TNPO1: variants seen among roughly 807,000 people sequenced by gnomAD.
TNPO1 encodes the protein transportin-1.
A neutral mutation model predicts 119.5 loss-of-function variants in TNPO1; 8 were observed. The ratio of observed to expected loss-of-function variants is 0.07; its 90% confidence interval spans 0.04 to 0.12. The LOEUF (loss-of-function observed/expected upper bound fraction) is 0.12. Among genes scored for constraint, TNPO1 ranks in the 10% least tolerant of loss-of-function variants. The probability of loss-of-function intolerance (pLI) is 1.00; values close to 1 mark genes in which losing one functional copy is unlikely to be tolerated. For synonymous variants in TNPO1, 362 were observed against 363.0 expected (o/e 1.00, Z 0.03); for missense variants, 576 against 1,089.8 (o/e 0.53, Z 6.64).
chr5:72,853,659 AT>A (rs33987415), intron 3 of TNPO1, among the ~76,000 whole-genome samples: 23 of 148,658 alleles, frequency 1.5e-4, no homozygotes, highest in South Asian at 4.2e-4. Context: ...GTGTTTATGC[AT>A]TTTTTTTTTT....
At chr5:72,854,123 G>T (rs914815026) in intron 3 of TNPO1, among the ~76,000 whole-genome samples, 1 of 152,166 alleles carries the variant, frequency 6.6e-6, no homozygotes, top group Non-Finnish European at 1.5e-5. Flanking sequence ...TTATTAACAG[G>T]TAATTTAAGG....
At chr5:72,816,984 G>A (rs1476639353) in intron 1 of TNPO1, 2 of 496,096 alleles carry the variant, frequency 4.0e-6, no homozygotes, top group Non-Finnish European at 7.1e-6. Flanking sequence ...GGCTCCTCAA[G>A]CGTCCGAGGA....
At chr5:72,889,026 G>GA (rs1748860797) in intron 13 of TNPO1, among the ~76,000 whole-genome samples, 1 of 151,840 alleles carries the variant, frequency 6.6e-6, no homozygotes, top group African/African-American at 2.4e-5. Context: ...TTGATAGTAG[G>GA]AAAAAATAAC....
At chr5:72,873,626 T>C (rs1033438364) in intron 7 of TNPO1, among the ~76,000 whole-genome samples, 2 of 152,178 alleles carry the variant, frequency 1.3e-5, no homozygotes, top group Non-Finnish European at 2.9e-5. Flanking sequence ...TTAAATTTTA[T>C]GCCTGCAAGG....
chr5:72,882,541 T>C lies in TNPO1; in HGVS notation c.981+14T>C, dbSNP rs756353032. 1 of 1,591,002 alleles carries C rather than the reference T, an allele frequency of 6.3e-7. No individual in the cohort carries two copies. The highest frequency in any genetic ancestry group is 8.6e-7 in the Non-Finnish European group (1 of 1,165,494). On this transcript the variant is annotated intron_variant, in intron 10 of 24. Coordinates refer to ENST00000337273, the MANE Select transcript of TNPO1 (RefSeq NM_002270.4). ...ATCCTACTTAAGGTAAGGAAGCTTT[T>C]TTGATGAATAGGGAACAAGATTTTT...
At chr5:72,888,032 ATGT>A in intron 12 of TNPO1, 43 bp from the exon 13 acceptor site, 1 of 1,564,444 alleles carries the variant, frequency 6.4e-7, no homozygotes, top group South Asian at 1.1e-5. Flanking sequence ...AACCAAAATA[ATGT>A]TAACTAAATT....
chr5:72,880,816 CAAA>C (rs35726893), intron 9 of TNPO1, among the ~76,000 whole-genome samples: 1 of 101,202 alleles, frequency 9.9e-6, no homozygotes, highest in Non-Finnish European at 1.9e-5. Flanking sequence ...GACTCCATCT[CAAA>C]AAAAAAAAAA....
intron 8 of TNPO1, 68 bp from the exon 9 acceptor site, chr5:72,877,160 A>G (rs1273295982): frequency 1.5e-5 from 12 of 800,440 alleles, no homozygotes; most frequent in Non-Finnish European, 1.4e-5. Flanking sequence ...TTGCTTGATA[A>G]TAGGACTGAA....
intron 12 of TNPO1, 57 bp from the exon 13 acceptor site, chr5:72,888,017 TAATC>T (rs1325857065): frequency 1.3e-6 from 2 of 1,511,052 alleles, no homozygotes; most frequent in East Asian, 2.3e-5. Context: ...TTTATTTTCA[TAATC>T]AACCAAAATA....
rs759207310 is a variant in TNPO1, at chr5:72,882,451, ATTTC to A, written c.921-8_921-5del. 57 of 1,596,714 alleles carry A rather than the reference ATTTC, an allele frequency of 3.6e-5. No homozygotes were observed. Among genetic ancestry groups the A allele is most frequent in the African/African-American group, 8.1e-5 (6 of 74,230 alleles). ...AGATCTTAAGGTCTTTGTTTCATGA[ATTTC>A]TTTCTTTATAGGTTGATTCCTGTGT... On this transcript the variant is annotated splice_polypyrimidine_tract_variant and intron_variant, in intron 9 of 24. Coordinates refer to ENST00000337273, the MANE Select transcript of TNPO1 (RefSeq NM_002270.4).
At chr5:72,902,076 GA>G (rs76963590) in intron 22 of TNPO1, among the ~76,000 whole-genome samples, 66 of 143,962 alleles carry the variant, frequency 4.6e-4, no homozygotes, top group South Asian at 1.3e-3. Context: ...ACTTCATCTG[GA>G]AAAAAAAAAA....
intron 1 of TNPO1, among the ~76,000 whole-genome samples, chr5:72,827,598 C>T (rs1372201944): frequency 1.2e-4 from 18 of 152,084 alleles, no homozygotes; most frequent in Admixed American, 1.1e-3. Flanking sequence ...AGGATCATTG[C>T]TTCTGATCTC....
chr5:72,867,562 C>T (rs529812848), intron 6 of TNPO1, among the ~76,000 whole-genome samples: 17 of 152,280 alleles, frequency 1.1e-4, no homozygotes, highest in South Asian at 2.1e-4. Context: ...ATGGCCTACT[C>T]GTATTTAGCC....
Position 72,872,490 on chromosome 5 carries a change from T to C in TNPO1, c.597-149T>C. 4 of 536,582 alleles carry C rather than the reference T, an allele frequency of 7.5e-6. No homozygotes were observed. The South Asian group carries it at 9.5e-5, about 13-fold the overall frequency. 33.2% of individuals were successfully genotyped at this position (536,582 alleles called of 1,614,324 possible). On this transcript the variant is annotated intron_variant, in intron 6 of 24. Transcript: ENST00000337273. ...TTAGTATATCATTCAAATTCTTTCC[T>C]TGTTGATACAGAAGTTTGACGTATT...
chr5:72,869,289 G>A (rs1403736139), intron 6 of TNPO1, among the ~76,000 whole-genome samples: 1 of 152,150 alleles, frequency 6.6e-6, no homozygotes, highest in Non-Finnish European at 1.5e-5. Flanking sequence ...GCTCACACCT[G>A]TAATCCCAGC....
intron 2 of TNPO1, among the ~76,000 whole-genome samples, chr5:72,850,964 A>AT (rs1402564048): frequency 3.9e-5 from 6 of 151,982 alleles, no homozygotes; most frequent in East Asian, 1.9e-4. Context: ...TTTTTTGAAT[A>AT]TTTTTTGCTA....
intron 21 of TNPO1, 42 bp from the exon 22 acceptor site, chr5:72,900,932 G>A: frequency 2.9e-6 from 4 of 1,363,288 alleles, no homozygotes; most frequent in Non-Finnish European, 4.2e-6. Context: ...CATTGAATCT[G>A]CTTGTTACTT....
chr5:72,906,264 C>CTTTT (rs11356390), intron 24 of TNPO1, among the ~76,000 whole-genome samples: 4 of 90,238 alleles, frequency 4.4e-5, no homozygotes, highest in Non-Finnish European at 5.9e-5. Context: ...GTGCCCATCA[C>CTTTT]TTTTTTTTTT....
At chr5:72,862,107 C>A (rs900409885) in intron 5 of TNPO1, among the ~76,000 whole-genome samples, 193 bp downstream of exon 5, 1 of 152,094 alleles carries the variant, frequency 6.6e-6, no homozygotes, top group East Asian at 1.9e-4. Flanking sequence ...CATTATAAAC[C>A]TCTTTTACTG....
Sources: gnomAD v4.1 joint callset for allele counts (sites outside exome capture counted in the v4.1 genomes callset) on GRCh38, gnomAD v4.1.1 for gene constraint, MANE v1.5 for transcripts, NCBI Gene and HGNC (gene_info 2026-07-23, HGNC 2026-07-21) for gene names.